The following SNAP25 variants were observed in gnomAD, a reference collection of about 807,000 sequenced individuals.
SNAP25 encodes the protein synaptosome associated protein 25.
SNAP25 carries 3 observed loss-of-function variants against 28.7 expected under a neutral mutation model. The ratio of observed to expected loss-of-function variants is 0.10; its 90% CI spans 0.05 to 0.27. SNAP25 has a LOEUF of 0.27. Ranked by LOEUF, SNAP25 falls within the 10% of genes least tolerant of loss-of-function variation. The pLI, the probability that SNAP25 is intolerant of heterozygous loss-of-function variation, is 1.00. For missense variants in SNAP25, 117 were observed against 278.7 expected (o/e 0.42, Z 4.13); for synonymous variants, 61 against 88.1 (o/e 0.69, Z 1.72).
At chr20:10,269,819 G>A (rs752196980) in intron 1 of SNAP25, among the ~76,000 whole-genome samples, 1 of 152,160 alleles carries the variant, frequency 6.6e-6, no homozygotes, top group Admixed American at 6.5e-5. Flanking sequence ...TTTTCTCTGA[G>A]TCTTTTAAAT....
chr20:10,284,842 A>T (rs2063844533), intron 4 of SNAP25, 70 bp downstream of exon 4: 10 of 1,251,542 alleles, frequency 8.0e-6, no homozygotes. Context: ...TTATTTGTGC[A>T]TACGCAGATG....
chr20:10,229,660 A>G (rs1441750891), intron 1 of SNAP25, among the ~76,000 whole-genome samples: 2 of 152,088 alleles, frequency 1.3e-5, no homozygotes, highest in Non-Finnish European at 1.5e-5. Context: ...AGCATCTACT[A>G]TGTGGTAGAT....
At chr20:10,271,704 A>G (rs968172943) in intron 1 of SNAP25, among the ~76,000 whole-genome samples, 3 of 152,160 alleles carry the variant, frequency 2.0e-5, no homozygotes, top group African/African-American at 7.2e-5. Context: ...AACACAGGAA[A>G]CTTGAGTATG....
In SNAP25 at chr20:10,270,427, G is replaced by A. The variant is rs564991039; in HGVS notation, c.-63-5002G>A. 7.2e-5 allele frequency among the ~76,000 whole-genome samples: 11 copies of A among 152,116 alleles called. No individual in the cohort carries two copies. In the East Asian group the frequency reaches 1.4e-3, roughly 19 times the overall value. On this transcript the variant is annotated intron_variant, in intron 1 of 7. Transcript: ENST00000254976. Reference sequence around the variant, plus strand: ...TGGAAATGCAGAATCAGCTGGCCACGATGGCTCACGCCTGTAATACCAGCA... The same window carrying A: ...TGGAAATGCAGAATCAGCTGGCCACAATGGCTCACGCCTGTAATACCAGCA...
chr20:10,296,169 C>G (rs2064104818), intron 5 of SNAP25: 2 of 152,298 alleles, frequency 1.3e-5, no homozygotes, highest in African/African-American at 2.4e-5. Flanking sequence ...AGGGGTTTCC[C>G]TTTTTGGTGC....
chr20:10,256,497 T>C (rs912594855), intron 1 of SNAP25, among the ~76,000 whole-genome samples: 5 of 152,100 alleles, frequency 3.3e-5, no homozygotes, highest in Admixed American at 6.5e-5. Flanking sequence ...TTTTAACTCA[T>C]TTTGGAATAT....
At chr20:10,234,480 G>T (rs1039033782) in intron 1 of SNAP25, among the ~76,000 whole-genome samples, 1 of 152,182 alleles carries the variant, frequency 6.6e-6, no homozygotes, top group Non-Finnish European at 1.5e-5. Flanking sequence ...ATGCCTTAAG[G>T]CAGGGTACTT....
At chr20:10,264,736 A>T (rs1465194115) in intron 1 of SNAP25, among the ~76,000 whole-genome samples, 1 of 152,126 alleles carries the variant, frequency 6.6e-6, no homozygotes. Flanking sequence ...CTTCAGCCCT[A>T]AGTCATGCTA....
chr20:10,256,847 G>A (rs1408391223), intron 1 of SNAP25, among the ~76,000 whole-genome samples: 1 of 152,232 alleles, frequency 6.6e-6, no homozygotes. Context: ...TGTTATGTGA[G>A]GGAACATCAT....
chr20:10,271,339 A>G (rs1416637845), intron 1 of SNAP25, among the ~76,000 whole-genome samples: 1 of 152,250 alleles, frequency 6.6e-6, no homozygotes, highest in Non-Finnish European at 1.5e-5. Context: ...TAAACATCCC[A>G]ACAGAAGATC....
At chr20:10,305,275 C>T (rs904219456) in intron 7 of SNAP25, among the ~76,000 whole-genome samples, 5 of 152,186 alleles carry the variant, frequency 3.3e-5, no homozygotes, top group Non-Finnish European at 7.3e-5. Context: ...GGTACAATGG[C>T]ACATGCCTGT....
Position 10,297,065 on chromosome 20 carries a change from G to A in SNAP25, c.407+15G>A, listed in dbSNP as rs1373601790. On this transcript the variant is annotated intron_variant, in intron 6 of 7. Coordinates refer to ENST00000254976, the MANE Select transcript of SNAP25 (RefSeq NM_130811.4). ...TTCATCCGCAGGTGAGCCTCATGCAGCATACACTGTAGCAGTTCTCTATTG... is the reference window on the plus strand; with the variant it reads ...TTCATCCGCAGGTGAGCCTCATGCAACATACACTGTAGCAGTTCTCTATTG... 2 of 1,571,316 alleles carry A rather than the reference G, an allele frequency of 1.3e-6. No homozygotes were observed. Among genetic ancestry groups the A allele is most frequent in the Non-Finnish European group, 8.6e-7 (1 of 1,159,970 alleles).
chr20:10,286,037 C>G (rs2063870583), intron 4 of SNAP25, among the ~76,000 whole-genome samples: 1 of 152,146 alleles, frequency 6.6e-6, no homozygotes, highest in Non-Finnish European at 1.5e-5. Context: ...CCAAGACACT[C>G]CACTCCTAGA....
chr20:10,230,669 G>A (rs2062813554), intron 1 of SNAP25, among the ~76,000 whole-genome samples: 2 of 152,134 alleles, frequency 1.3e-5, no homozygotes, highest in South Asian at 4.1e-4. Context: ...GATCTTTGTT[G>A]TTCCTTCAAA....
At chr20:10,250,536 C>T (rs1256145636) in intron 1 of SNAP25, among the ~76,000 whole-genome samples, 5 of 152,224 alleles carry the variant, frequency 3.3e-5, no homozygotes, top group Admixed American at 6.5e-5. Context: ...CAAAAACCCT[C>T]AGTATCTTAA....
At chr20:10,263,785 G>A (rs994149966) in intron 1 of SNAP25, among the ~76,000 whole-genome samples, 2 of 152,256 alleles carry the variant, frequency 1.3e-5, no homozygotes, top group East Asian at 3.9e-4. Flanking sequence ...CTAAGGGGCG[G>A]TTCTCCACTC....
intron 1 of SNAP25, 106 bp from the exon 2 acceptor site, chr20:10,275,323 A>G (rs374211506): frequency 7.1e-6 from 3 of 420,402 alleles, no homozygotes; most frequent in East Asian, 7.5e-5. Context: ...AGATCAGAAA[A>G]CTGAGTCATG....
intron 1 of SNAP25, among the ~76,000 whole-genome samples, chr20:10,222,021 G>A (rs1229585341): frequency 1.3e-5 from 2 of 152,246 alleles, no homozygotes; most frequent in Non-Finnish European, 2.9e-5. Context: ...GGAAAAATCT[G>A]TGTTTTAAGC....
At chr20:10,272,807 C>T (rs1416481783) in intron 1 of SNAP25, among the ~76,000 whole-genome samples, 1 of 152,170 alleles carries the variant, frequency 6.6e-6, no homozygotes, top group Non-Finnish European at 1.5e-5. Context: ...TAGAATAAGG[C>T]AACCCTGAAG....
Sources: allele counts gnomAD v4.1 joint callset (sites outside exome capture counted in the v4.1 genomes callset), GRCh38; gene constraint gnomAD v4.1.1; transcripts MANE v1.5; gene names NCBI Gene and HGNC (gene_info 2026-07-23, HGNC 2026-07-21).